IQGAP2: variants seen among roughly 807,000 people sequenced by gnomAD.
IQGAP2 encodes the protein IQ motif containing GTPase activating protein 2.
In IQGAP2, 173 loss-of-function variants were observed where a neutral mutation model predicts 201.3. The ratio of observed to expected loss-of-function variants is 0.86; its 90% confidence interval spans 0.76 to 0.98. The LOEUF (loss-of-function observed/expected upper bound fraction) is 0.98, where lower values mean the gene tolerates loss of function less well. Among genes scored for constraint, IQGAP2 ranks in the 50% least tolerant of loss-of-function variants. The pLI, the probability that IQGAP2 is intolerant of heterozygous loss-of-function variation, is 0.00. For synonymous variants in IQGAP2, 675 were observed against 673.9 expected (o/e 1.00, Z -0.03); for missense variants, 1,687 against 1,864.8 (o/e 0.90, Z 1.76).
chr5:76,569,718 T>C (rs1445064260), intron 3 of IQGAP2, among the ~76,000 whole-genome samples: 1 of 152,240 alleles, frequency 6.6e-6, no homozygotes, highest in African/African-American at 2.4e-5. Flanking sequence ...ATGGTAAAAC[T>C]TGCTATAGTT....
Position 76,403,732 on chromosome 5 carries a change from A to G in IQGAP2, c.46+141A>G. On this transcript the variant is annotated intron_variant, in intron 1 of 35. Coordinates refer to ENST00000274364, the MANE Select transcript of IQGAP2 (RefSeq NM_006633.5). This position sits in a 1 kb window ranked among gnomAD's most constrained non-coding sequence, Gnocchi z 4.8. ...CAACTGCGCGGCTGGCAAAGTTGGG[A>G]GCTGGAGTTGCAAAGGGCAGTGAAT... is the stretch of plus-strand genomic sequence containing the variant. 1 of 629,908 alleles carries G rather than the reference A, an allele frequency of 1.6e-6. No individual in the cohort carries two copies. The highest frequency in any genetic ancestry group is 2.5e-6 in the Non-Finnish European group (1 of 404,122). The allele number at this position is 629,908 out of a possible 1,614,324, so 39.0% of individuals were successfully genotyped here.
intron 2 of IQGAP2, among the ~76,000 whole-genome samples, chr5:76,489,139 G>A (rs1455414444): frequency 1.3e-5 from 2 of 152,150 alleles, no homozygotes; most frequent in Non-Finnish European, 2.9e-5. Context: ...CCTCGCAGTG[G>A]TAGGGTTCCA....
chr5:76,700,926 T>C, intron 33 of IQGAP2, 150 bp from the exon 34 acceptor site: 3 of 712,526 alleles, frequency 4.2e-6, no homozygotes, highest in East Asian at 5.6e-5. Context: ...ATGGACAAAA[T>C]TACCTACTAT....
At chr5:76,496,165 T>G (rs1354000286) in intron 2 of IQGAP2, among the ~76,000 whole-genome samples, 2 of 152,204 alleles carry the variant, frequency 1.3e-5, no homozygotes, top group Non-Finnish European at 2.9e-5. Flanking sequence ...AATGATATAT[T>G]TGCTTTCTGT....
chr5:76,462,110 G>C (rs375177491), intron 2 of IQGAP2, among the ~76,000 whole-genome samples: 1 of 152,152 alleles, frequency 6.6e-6, no homozygotes. Flanking sequence ...TCCCTGCCTC[G>C]GAGCCTCCCA....
chr5:76,519,899 T>A (rs1397876040), intron 2 of IQGAP2, among the ~76,000 whole-genome samples: 1 of 152,234 alleles, frequency 6.6e-6, no homozygotes, highest in Non-Finnish European at 1.5e-5. Context: ...TTCTTATTGT[T>A]GAGTTCTGTG....
At chr5:76,457,269 A>C (rs1383339103) in intron 1 of IQGAP2, among the ~76,000 whole-genome samples, 1 of 152,104 alleles carries the variant, frequency 6.6e-6, no homozygotes, top group Non-Finnish European at 1.5e-5. Context: ...GAGCTACCCC[A>C]GCCGGACATA....
At chr5:76,702,686 T>C in intron 35 of IQGAP2, 96 bp downstream of exon 35, 1 of 666,838 alleles carries the variant, frequency 1.5e-6, no homozygotes, top group Non-Finnish European at 2.7e-6. Flanking sequence ...ACAATAAAGT[T>C]TAACAGAAAA....
chr5:76,665,309 CTGT>C, intron 22 of IQGAP2, 134 bp downstream of exon 22: 2 of 738,298 alleles, frequency 2.7e-6, no homozygotes, highest in South Asian at 3.6e-5. Context: ...GTACCAAGTG[CTGT>C]TGTTGGTGCT....
chr5:76,562,337 C>A, intron 2 of IQGAP2, 59 bp from the exon 3 acceptor site: 3 of 1,290,952 alleles, frequency 2.3e-6, no homozygotes, highest in Non-Finnish European at 3.3e-6. Flanking sequence ...TGCATGCCTT[C>A]ATTTGCAGAA....
intron 30 of IQGAP2, among the ~76,000 whole-genome samples, chr5:76,685,389 T>TC (rs1745647388): frequency 6.6e-6 from 1 of 152,214 alleles, no homozygotes; most frequent in African/African-American, 2.4e-5. Flanking sequence ...AATTTTTTCT[T>TC]AATTAGTTTT....
intron 2 of IQGAP2, among the ~76,000 whole-genome samples, chr5:76,506,111 G>A (rs1164302783): frequency 6.6e-6 from 1 of 152,208 alleles, no homozygotes; most frequent in African/African-American, 2.4e-5. Flanking sequence ...GTGAAGTCAG[G>A]AAGTATCCAT....
intron 2 of IQGAP2, among the ~76,000 whole-genome samples, chr5:76,477,595 A>T (rs145673714): frequency 2.5e-3 from 379 of 152,330 alleles, no homozygotes; most frequent in African/African-American, 8.9e-3. Flanking sequence ...GGTAATACTT[A>T]TGTTACTGCT....
intron 13 of IQGAP2, chr5:76,615,890 G>T (rs2069693): frequency 0.37 from 56,814 of 152,486 alleles, 12,018 homozygotes; most frequent in Non-Finnish European, 0.49. Context: ...TTTTTTGTAT[G>T]CCCAACCTGA....
intron 13 of IQGAP2, among the ~76,000 whole-genome samples, chr5:76,619,906 G>T (rs1426561308): frequency 2.6e-5 from 4 of 152,114 alleles, no homozygotes. Flanking sequence ...AGGTAAGAGG[G>T]TTGTCAAAGT....
chr5:76,679,700 G>A (rs1031698350), intron 28 of IQGAP2, among the ~76,000 whole-genome samples: 4 of 152,268 alleles, frequency 2.6e-5, no homozygotes, highest in Admixed American at 2.6e-4. Flanking sequence ...TATCCATCTT[G>A]CATATTTTGT....
intron 1 of IQGAP2, chr5:76,404,388 C>G: frequency 1.2e-6 from 1 of 847,570 alleles, no homozygotes; most frequent in Non-Finnish European, 1.4e-6. Flanking sequence ...GTGCAGAGTT[C>G]AGAGTCCTAA....
chr5:76,542,163 A>T (rs1580415227), intron 2 of IQGAP2, among the ~76,000 whole-genome samples: 1 of 151,236 alleles, frequency 6.6e-6, no homozygotes, highest in African/African-American at 2.4e-5. Context: ...AAAAAAAAAA[A>T]TTGATAGAGA....
intron 1 of IQGAP2, among the ~76,000 whole-genome samples, chr5:76,455,871 A>G (rs1047577214): frequency 3.3e-5 from 5 of 152,190 alleles, no homozygotes; most frequent in African/African-American, 1.2e-4. Context: ...GTAGGTGGCC[A>G]TAGTCGCTTA....
Sources: allele counts gnomAD v4.1 joint callset (sites outside exome capture counted in the v4.1 genomes callset), GRCh38; gene constraint gnomAD v4.1.1; non-coding constraint Gnocchi (gnomAD v3.1); transcripts MANE v1.5; gene names NCBI Gene and HGNC (gene_info 2026-07-23, HGNC 2026-07-21).